GALNT18: variants seen among roughly 807,000 people sequenced by gnomAD.
GALNT18 encodes polypeptide N-acetylgalactosaminyltransferase 18.
Under a neutral mutation model 69.5 loss-of-function variants are expected in GALNT18, and 44 were observed. That is an observed-to-expected ratio of 0.63 (90% confidence interval 0.50 to 0.81). GALNT18 has a LOEUF of 0.81. Ranked by LOEUF, GALNT18 falls within the 40% of genes least tolerant of loss-of-function variation. GALNT18 has a pLI of 0.00. For synonymous variants in GALNT18, 364 were observed against 318.2 expected, an observed-to-expected ratio of 1.14 and a Z score of -1.53; for missense variants, 715 against 810.0, an observed-to-expected ratio of 0.88 and a Z score of 1.42.
chr11:11,424,110 G>C (rs1264234751), intron 3 of GALNT18, among the ~76,000 whole-genome samples: 1 of 152,180 alleles, frequency 6.6e-6, no homozygotes, highest in Non-Finnish European at 1.5e-5. Context: ...TCCTGGCCAA[G>C]CCTGCCTGCT....
At chr11:11,534,317 C>G (rs1857724297) in intron 1 of GALNT18, among the ~76,000 whole-genome samples, 1 of 152,192 alleles carries the variant, frequency 6.6e-6, no homozygotes, top group African/African-American at 2.4e-5. Flanking sequence ...CCAGAACCCT[C>G]TGAAGGAGGA....
intron 7 of GALNT18, among the ~76,000 whole-genome samples, chr11:11,333,651 G>A (rs548788059): frequency 1.7e-4 from 26 of 152,234 alleles, no homozygotes; most frequent in African/African-American, 6.0e-4. Context: ...TGGGAGTCTT[G>A]GCATCTAGAG....
At position 11,339,559 on chromosome 11, in the gene GALNT18, C is replaced by T. The variant is rs1461333924; in HGVS notation, c.1278+1260G>A. 6.6e-6 allele frequency among the ~76,000 whole-genome samples: 1 copy of T among 152,188 alleles called. No individual in the cohort carries two copies. Among genetic ancestry groups the T allele is most frequent in the Non-Finnish European group, 1.5e-5 (1 of 68,040 alleles). On this transcript the variant is annotated intron_variant, in intron 7 of 10. Transcript: ENST00000227756. This position sits in a 1 kb window ranked among gnomAD's most constrained non-coding sequence, Gnocchi z 5.2. ...AGGACACCTACCACAGGGCTTGGCA[C>T]CCCGTGCAGAATACCGTGATTCAAT...
At chr11:11,528,155 T>C (rs1857561109) in intron 1 of GALNT18, among the ~76,000 whole-genome samples, 1 of 151,782 alleles carries the variant, frequency 6.6e-6, no homozygotes. Flanking sequence ...TATTCAGGAG[T>C]TCAAAAGAGG....
rs1163241096 is a variant in GALNT18, at chr11:11,500,534, G to A, written c.236-51598C>T. The stretch of plus-strand genomic sequence containing the variant: ...GGTGGGTGGATGGAGATGCGCCATG[G>A]GCATCTCTCAGTAGAAGGCAGCAGG... On this transcript the variant is annotated intron_variant, in intron 1 of 10. Transcript: ENST00000227756. The surrounding 1 kb of genome is among the most constrained non-coding windows in gnomAD (Gnocchi z 5.0). 3.3e-5 allele frequency among the ~76,000 whole-genome samples: 5 copies of A among 152,254 alleles called. No homozygotes were observed. The East Asian group carries it at 9.7e-4, about 29-fold the overall frequency.
At chr11:11,477,938 A>G (rs1856439329) in intron 1 of GALNT18, among the ~76,000 whole-genome samples, 1 of 152,220 alleles carries the variant, frequency 6.6e-6, no homozygotes, top group Non-Finnish European at 1.5e-5. Context: ...AAGTCCTACA[A>G]TTAGGAACTG....
At chr11:11,446,173 A>G (rs923868947) in intron 2 of GALNT18, among the ~76,000 whole-genome samples, 9 of 152,118 alleles carry the variant, frequency 5.9e-5, no homozygotes, top group Non-Finnish European at 1.2e-4. Flanking sequence ...CAGTTTCCTC[A>G]ACTCAAACCG....
intron 3 of GALNT18, among the ~76,000 whole-genome samples, chr11:11,392,500 T>A (rs1288988853): frequency 6.6e-6 from 1 of 152,086 alleles, no homozygotes; most frequent in East Asian, 1.9e-4. Context: ...ATGCCTGTAA[T>A]CCCAGCTACT....
rs372882562 is a variant in GALNT18 at position 11,538,419 on chromosome 11, C to T, written c.235+82940G>A. On this transcript the variant is annotated intron_variant, in intron 1 of 10. Transcript: ENST00000227756. The surrounding 1 kb of genome is among the most constrained non-coding windows in gnomAD (Gnocchi z 5.2). ...GCCACCCGGGGTGTCTGTCCCCAGA[C>T]GTGGACACCAGCCAACATGCTGGGC... is the stretch of plus-strand genomic sequence containing the variant. Among the ~76,000 whole-genome samples, 13 of 152,212 alleles carry T rather than the reference C, an allele frequency of 8.5e-5. No homozygotes were observed. Among genetic ancestry groups the T allele is most frequent in the African/African-American group, 1.7e-4 (7 of 41,470 alleles).
intron 3 of GALNT18, among the ~76,000 whole-genome samples, chr11:11,390,477 G>A (rs763794119): frequency 3.3e-5 from 5 of 152,170 alleles, no homozygotes; most frequent in Non-Finnish European, 2.9e-5. Flanking sequence ...TCCTTCCAGG[G>A]CAGCTCCGAG....
Position 11,389,725 on chromosome 11 carries a change from T to C in GALNT18, c.596-10461A>G, listed in dbSNP as rs1854138988. ...TACCAAGAACTCAAAGCCTTGGGAA[T>C]TGCTGGCAGATAGTGTTTAATAGCA... On this transcript the variant is annotated intron_variant, in intron 3 of 10. Transcript: ENST00000227756. This position sits in a 1 kb window ranked among gnomAD's most constrained non-coding sequence, Gnocchi z 4.3. 6.6e-6 allele frequency among the ~76,000 whole-genome samples: 1 copy of C among 152,166 alleles called. No individual in the cohort carries two copies. Among genetic ancestry groups the C allele is most frequent in the Non-Finnish European group, 1.5e-5 (1 of 68,024 alleles).
intron 1 of GALNT18, among the ~76,000 whole-genome samples, chr11:11,559,165 G>C (rs1858402755): frequency 6.6e-6 from 1 of 152,222 alleles, no homozygotes; most frequent in Non-Finnish European, 1.5e-5. Flanking sequence ...TTAAGTGCCA[G>C]TATGGAGATT....
intron 3 of GALNT18, among the ~76,000 whole-genome samples, chr11:11,429,040 C>T (rs527593215): frequency 6.6e-6 from 1 of 152,236 alleles, no homozygotes; most frequent in East Asian, 1.9e-4. Context: ...CAAGAATCCT[C>T]GAGGAAAAAT....
At chr11:11,561,357 TG>T (rs1858501311) in intron 1 of GALNT18, among the ~76,000 whole-genome samples, 1 of 23,194 alleles carries the variant, frequency 4.3e-5, no homozygotes, top group African/African-American at 1.7e-4. Context: ...TGAAGCACTG[TG>T]CTGTAGGGAA....
At chr11:11,273,469 A>C (rs1271304475) in intron 10 of GALNT18, among the ~76,000 whole-genome samples, 4 of 152,244 alleles carry the variant, frequency 2.6e-5, no homozygotes, top group African/African-American at 9.6e-5. Flanking sequence ...TAATTACCAG[A>C]GAAAAGTAAG....
intron 1 of GALNT18, among the ~76,000 whole-genome samples, chr11:11,539,190 T>C (rs1271335926): frequency 6.6e-6 from 1 of 152,138 alleles, no homozygotes; most frequent in African/African-American, 2.4e-5. Flanking sequence ...TATCCAAGGC[T>C]CCCTCTCAAG....
chr11:11,414,837 T>C (rs1411763679), intron 3 of GALNT18, among the ~76,000 whole-genome samples: 1 of 152,200 alleles, frequency 6.6e-6, no homozygotes, highest in African/African-American at 2.4e-5. Context: ...CACAAATTTA[T>C]TATCTCATAG....
At chr11:11,301,675 C>CTCTT (rs943178285) in intron 9 of GALNT18, among the ~76,000 whole-genome samples, 26 of 152,318 alleles carry the variant, frequency 1.7e-4, no homozygotes, top group African/African-American at 5.3e-4. Context: ...AATCCCTCAG[C>CTCTT]TCTTTGGGGA....
intron 3 of GALNT18, among the ~76,000 whole-genome samples, chr11:11,379,691 T>C (rs1853863534): frequency 6.6e-6 from 1 of 152,166 alleles, no homozygotes; most frequent in Non-Finnish European, 1.5e-5. Context: ...GGTCTCCATC[T>C]CCATCGGTGC....
Sources: allele counts gnomAD v4.1 joint callset (sites outside exome capture counted in the v4.1 genomes callset), GRCh38; gene constraint gnomAD v4.1.1; non-coding constraint Gnocchi (gnomAD v3.1); transcripts MANE v1.5; gene names NCBI Gene and HGNC (gene_info 2026-07-23, HGNC 2026-07-21).